The following CBFA2T2 variants were observed in gnomAD, a reference collection of about 807,000 sequenced individuals.
The protein encoded by CBFA2T2 is CBFA2/RUNX1 partner transcriptional co-repressor 2, also known as protein CBFA2T2.
In CBFA2T2, 11 loss-of-function variants were observed where a neutral mutation model predicts 62.2. The observed-to-expected ratio is 0.18, with a 90% confidence interval of 0.11 to 0.29. CBFA2T2 has a LOEUF of 0.29. CBFA2T2 is among the 10% of genes least tolerant of loss of function. The pLI is 1.00. For synonymous variants in CBFA2T2, 295 were observed against 287.5 expected, an observed-to-expected ratio of 1.03 and a Z score of -0.27; for missense variants, 592 against 774.1, an observed-to-expected ratio of 0.76 and a Z score of 2.79.
intron 1 of CBFA2T2, among the ~76,000 whole-genome samples, chr20:33,545,026 G>T (rs1373103891): frequency 8.4e-6 from 1 of 119,274 alleles, no homozygotes; most frequent in African/African-American, 4.3e-5. Context: ...AGAACAGAAT[G>T]CAAGGTAGAC....
chr20:33,591,416 G>A (rs2014620271), intron 1 of CBFA2T2, among the ~76,000 whole-genome samples: 1 of 145,120 alleles, frequency 6.9e-6, no homozygotes, highest in South Asian at 2.2e-4. Context: ...CGAGGTTGAA[G>A]TGAGCCGAGA....
At chr20:33,569,666 C>A (rs1183057520) in intron 1 of CBFA2T2, among the ~76,000 whole-genome samples, 1 of 152,122 alleles carries the variant, frequency 6.6e-6, no homozygotes, top group Non-Finnish European at 1.5e-5. Flanking sequence ...AGGGGGAGGT[C>A]ATTGACTTTT....
chr20:33,557,695 T>C (rs976037099), intron 1 of CBFA2T2, among the ~76,000 whole-genome samples: 3 of 151,932 alleles, frequency 2.0e-5, no homozygotes, highest in Non-Finnish European at 2.9e-5. Flanking sequence ...TTTGTAGAAA[T>C]GGGATCTTGG....
intron 8 of CBFA2T2, among the ~76,000 whole-genome samples, chr20:33,633,603 G>A (rs892148717): frequency 6.6e-6 from 1 of 152,194 alleles, no homozygotes. Context: ...ACAGCAAGCA[G>A]TGTATTTAGG....
intron 1 of CBFA2T2, among the ~76,000 whole-genome samples, chr20:33,490,796 G>C (rs1327776857): frequency 6.6e-6 from 1 of 152,196 alleles, no homozygotes; most frequent in East Asian, 1.9e-4. Flanking sequence ...CGGTGCCTCA[G>C]TTCCCCCATC....
intron 1 of CBFA2T2, among the ~76,000 whole-genome samples, chr20:33,498,710 C>G (rs1427481273): frequency 1.3e-5 from 2 of 151,926 alleles, no homozygotes; most frequent in Admixed American, 6.6e-5. Flanking sequence ...CCACTGCACT[C>G]CAGCCTGGGT....
Position 33,490,103 on chromosome 20 carries a change from G to GCGA in CBFA2T2, c.-163_-162insACG. Reference sequence around the variant, plus strand: ...GCGCGGCCTAACGGCGGCGGCGGCGGCGGCGACGGCGACAGCAGCGGTGGT... The same window carrying GCGA: ...GCGCGGCCTAACGGCGGCGGCGGCGGCGACGGCGACGGCGACAGCAGCGGTGGT... On this transcript the variant is annotated 5_prime_UTR_variant, in exon 1 of 11. Coordinates refer to ENST00000342704, the MANE Select transcript of CBFA2T2 (RefSeq NM_001032999.3). The GCGA allele has an allele frequency of 4.5e-6, 3 of 667,222 alleles. No homozygotes were observed. The highest frequency in any genetic ancestry group is 5.9e-6 in the Non-Finnish European group (3 of 510,386). 41.3% of individuals were successfully genotyped at this position (667,222 alleles called of 1,614,324 possible).
chr20:33,608,003 G>A (rs2015398708), intron 2 of CBFA2T2, among the ~76,000 whole-genome samples: 1 of 152,204 alleles, frequency 6.6e-6, no homozygotes, highest in Non-Finnish European at 1.5e-5. Context: ...GTTTTGGTGA[G>A]GATGTATGGA....
At position 33,629,870 on chromosome 20, in the gene CBFA2T2, T is replaced by C; in HGVS notation, c.1184T>C (p.Val395Ala). The change falls in exon 8 of 11, where the codon GTC becomes GCC. Residue 395 changes from valine to alanine, a missense_variant. Physicochemically the swap from Val to Ala is moderately conservative, Grantham distance 64. This residue lies in a region of CBFA2T2 where 449 missense variants were observed against 551.2 expected (regional missense o/e 0.81). Coordinates refer to ENST00000342704, the MANE Select transcript of CBFA2T2 (RefSeq NM_001032999.3). ...TELRKTGTEL[V>A]SRQHSPGSAD... ...CTGAGGAAAACGGGGACCGAGTTGG[T>C]CTCCAGGCAGCACAGCCCTGGGAGT... is the stretch of plus-strand genomic sequence containing the variant. 6.2e-7 allele frequency: 1 copy of C among 1,613,992 alleles called. No homozygotes were observed. The highest frequency in any genetic ancestry group is 8.5e-7 in the Non-Finnish European group (1 of 1,179,980).
intron 1 of CBFA2T2, among the ~76,000 whole-genome samples, chr20:33,548,662 A>G (rs1183641184): frequency 6.6e-6 from 1 of 152,168 alleles, no homozygotes; most frequent in East Asian, 1.9e-4. Context: ...TTCTGCATAT[A>G]TCAAAATAAA....
chr20:33,529,445 C>A (rs1033173445), intron 1 of CBFA2T2, among the ~76,000 whole-genome samples: 2 of 152,028 alleles, frequency 1.3e-5, no homozygotes, highest in Non-Finnish European at 2.9e-5. Flanking sequence ...ATCCCTCTTT[C>A]CTTTACTTTG....
intron 8 of CBFA2T2, among the ~76,000 whole-genome samples, chr20:33,630,814 C>G (rs1231994718): frequency 1.1e-4 from 17 of 152,134 alleles, no homozygotes; most frequent in Admixed American, 1.1e-3. Context: ...CTATTAGTCT[C>G]TAAAAGACTG....
intron 1 of CBFA2T2, among the ~76,000 whole-genome samples, chr20:33,497,025 G>A (rs757482389): frequency 1.3e-5 from 2 of 152,118 alleles, no homozygotes; most frequent in Non-Finnish European, 2.9e-5. Context: ...TGTAATCCCA[G>A]TACTTTGGGA....
At position 33,619,540 on chromosome 20, in the gene CBFA2T2, A is replaced by G. The variant is rs1014230303; in HGVS notation, c.444A>G (p.Glu148=). The stretch of plus-strand genomic sequence containing the variant: ...AGAACTCAACAGTGACAATTGAGGA[A>G]TTCCACTGTAAGCTCCAAGAAGCCA... ...ALVNSTVTIE[E]FHCKLQEATN... The change falls in exon 4 of 11, where the codon GAA becomes GAG. Residue 148 remains glutamate (E), a synonymous_variant. Transcript: ENST00000342704. 2 of 1,605,760 alleles carry G rather than the reference A, an allele frequency of 1.2e-6. No individual in the cohort carries two copies. The highest frequency in any genetic ancestry group is 1.3e-5 in the African/African-American group (1 of 74,468).
At position 33,644,964 on chromosome 20, in the gene CBFA2T2, A is replaced by G. The variant is rs932886847; in HGVS notation, c.*318A>G. ...GTGTAGACCACCAGCTCCCCTCCCC[A>G]TCTCCTTGAGTCAGCAGACTGTCCA... On this transcript the variant is annotated 3_prime_UTR_variant, in exon 11 of 11. Coordinates refer to ENST00000342704, the MANE Select transcript of CBFA2T2 (RefSeq NM_001032999.3). The G allele has an allele frequency of 3.4e-6, 1 of 292,764 alleles. No homozygotes were observed. The highest frequency in any genetic ancestry group is 6.4e-6 in the Non-Finnish European group (1 of 155,090). The allele number at this position is 292,764 out of a possible 1,614,324, so 18.1% of individuals were successfully genotyped here. A position where few individuals can be genotyped will look rare whatever the true frequency, so the allele number is the denominator to read the frequency against.
chr20:33,566,607 A>T (rs77539429), intron 1 of CBFA2T2, among the ~76,000 whole-genome samples: 1 of 118,786 alleles, frequency 8.4e-6, no homozygotes, highest in Non-Finnish European at 1.5e-5. Context: ...CTCAGTCTCA[A>T]AAAAAAAAAA....
intron 1 of CBFA2T2, among the ~76,000 whole-genome samples, chr20:33,591,944 A>T (rs757502553): frequency 1.3e-5 from 2 of 152,136 alleles, no homozygotes; most frequent in Non-Finnish European, 2.9e-5. Context: ...CTCTAGATAT[A>T]TTTAAATCTT....
At chr20:33,494,267 ATATATATTTTT>A (rs2011174759) in intron 1 of CBFA2T2, among the ~76,000 whole-genome samples, 2 of 44,234 alleles carry the variant, frequency 4.5e-5, no homozygotes, top group East Asian at 1.6e-3. Flanking sequence ...ATATATATAT[ATATATATTTTT>A]TTTTTTTTTT....
At chr20:33,507,616 C>G (rs1380754189) in intron 1 of CBFA2T2, among the ~76,000 whole-genome samples, 4 of 152,152 alleles carry the variant, frequency 2.6e-5, no homozygotes, top group Non-Finnish European at 4.4e-5. Flanking sequence ...TTTCTGGACC[C>G]TTTCGATACA....
Sources: gnomAD v4.1 joint callset for allele counts (sites outside exome capture counted in the v4.1 genomes callset) on GRCh38, gnomAD v4.1.1 for gene constraint, gnomAD v4.1.1 regional missense constraint, MANE v1.5 for transcripts, NCBI Gene and HGNC (gene_info 2026-07-23, HGNC 2026-07-21) for gene names.